Variants in RNF144A observed in about 807,000 individuals in gnomAD.
RNF144A encodes the protein ring finger protein 144A, also known as E3 ubiquitin-protein ligase RNF144A.
Under a neutral mutation model 38.7 loss-of-function variants are expected in RNF144A, and 11 were observed. The observed-to-expected ratio is 0.28, with a 90% CI of 0.18 to 0.47. RNF144A has a LOEUF of 0.47. Ranked by LOEUF, RNF144A falls within the 20% of genes least tolerant of loss-of-function variation. The pLI, the probability that RNF144A is intolerant of heterozygous loss-of-function variation, is 0.99. For missense variants in RNF144A, 316 were observed against 377.2 expected, an observed-to-expected ratio of 0.84 and a Z score of 1.34; for synonymous variants, 149 against 143.9, an observed-to-expected ratio of 1.04 and a Z score of -0.25.
chr2:7,029,086 C>T (rs749786142), intron 7 of RNF144A, among the ~76,000 whole-genome samples: 1 of 152,250 alleles, frequency 6.6e-6, no homozygotes, highest in Non-Finnish European at 1.5e-5. Context: ...TGACCCCTGA[C>T]CTGCTCCTCC....
chr2:7,018,467 T>C (rs2103425735), intron 5 of RNF144A, among the ~76,000 whole-genome samples: 1 of 152,256 alleles, frequency 6.6e-6, no homozygotes, highest in African/African-American at 2.4e-5. Flanking sequence ...GCCAGCTGCC[T>C]TTAGCCTTTG....
chr2:6,966,253 G>T (rs1033940307), intron 2 of RNF144A, among the ~76,000 whole-genome samples: 5 of 152,180 alleles, frequency 3.3e-5, no homozygotes, highest in African/African-American at 1.2e-4. Context: ...AGAAACACTG[G>T]AATATTTTAA....
At chr2:7,037,996 G>A (rs1672794073) in intron 8 of RNF144A, among the ~76,000 whole-genome samples, 1 of 152,220 alleles carries the variant, frequency 6.6e-6, no homozygotes, top group Non-Finnish European at 1.5e-5. Context: ...TGGCGAGGCC[G>A]GCTGGAAAGC....
chr2:7,012,793 G>A (rs552351256), intron 3 of RNF144A, among the ~76,000 whole-genome samples: 3 of 152,270 alleles, frequency 2.0e-5, no homozygotes, highest in Non-Finnish European at 2.9e-5. Context: ...GGAGTCTCAC[G>A]TAGAACTCCA....
At chr2:7,020,886 T>C in intron 6 of RNF144A, 2 of 582,196 alleles carry the variant, frequency 3.4e-6, no homozygotes, top group South Asian at 2.1e-5. Flanking sequence ...CCAGGCACTG[T>C]GTGAGGCCCT....
intron 2 of RNF144A, 134 bp from the exon 3 acceptor site, chr2:6,996,782 C>T: frequency 1.2e-6 from 1 of 848,614 alleles, no homozygotes; most frequent in South Asian, 1.8e-5. Flanking sequence ...TCAGAACATC[C>T]AGATGCTCTA....
At chr2:6,973,989 T>C (rs1272359947) in intron 2 of RNF144A, among the ~76,000 whole-genome samples, 2 of 152,208 alleles carry the variant, frequency 1.3e-5, no homozygotes, top group African/African-American at 2.4e-5. Context: ...GATAGCACAT[T>C]GTTCACCACA....
At chr2:7,069,548 T>A (rs546963137), downstream of RNF144A, among the ~76,000 whole-genome samples, 21 of 152,364 alleles carry the variant, frequency 1.4e-4, no homozygotes, top group South Asian at 4.4e-3. Context: ...CTCATTCATA[T>A]TCCCATCTTT....
intron 2 of RNF144A, among the ~76,000 whole-genome samples, chr2:6,967,299 A>G (rs1200901043): frequency 1.3e-5 from 2 of 152,268 alleles, no homozygotes; most frequent in Admixed American, 1.3e-4. Context: ...TATGTGAAAC[A>G]TGTAATTCTT....
chr2:7,029,645 A>G (rs1408302588), intron 7 of RNF144A, among the ~76,000 whole-genome samples: 1 of 152,208 alleles, frequency 6.6e-6, no homozygotes, highest in Non-Finnish European at 1.5e-5. Context: ...CAACAAAGAA[A>G]ATCATCCAAT....
chr2:7,068,261 G>C, exon 7 of RNF144A: 1 of 1,302,314 alleles, frequency 7.7e-7, no homozygotes, highest in Non-Finnish European at 1.0e-6. Context: ...TACTGAATCT[G>C]AGTGTCATCT....
At chr2:7,027,956 C>T (rs1672024033) in intron 7 of RNF144A, among the ~76,000 whole-genome samples, 1 of 135,920 alleles carries the variant, frequency 7.4e-6, no homozygotes, top group Admixed American at 8.6e-5. Context: ...CGTTGGACCC[C>T]ATGCGGGTCT....
chr2:6,963,157 T>C (rs745395389), intron 2 of RNF144A, among the ~76,000 whole-genome samples: 5 of 152,126 alleles, frequency 3.3e-5, no homozygotes, highest in African/African-American at 4.8e-5. Context: ...GACAGGAACA[T>C]AGGTAACATC....
intron 5 of RNF144A, among the ~76,000 whole-genome samples, chr2:7,017,386 A>G (rs948824961): frequency 2.6e-5 from 4 of 150,998 alleles, no homozygotes; most frequent in African/African-American, 9.8e-5. Context: ...ACCTGTAATC[A>G]GGCCTGACTA....
intron 5 of RNF144A, among the ~76,000 whole-genome samples, chr2:7,014,986 A>G (rs1252827389): frequency 2.0e-5 from 3 of 152,228 alleles, no homozygotes. Context: ...TGGTAGCAGG[A>G]AGAATTTATG....
chr2:6,933,699 A>G (rs1046221524), intron 1 of RNF144A, among the ~76,000 whole-genome samples: 2 of 132,642 alleles, frequency 1.5e-5, no homozygotes, highest in Non-Finnish European at 3.4e-5. Context: ...TAATTCTTCT[A>G]GAAAAATTGT....
intron 2 of RNF144A, chr2:6,996,614 C>A (rs1669758187): frequency 4.0e-6 from 1 of 251,458 alleles, no homozygotes. Context: ...ATTAGCCTGG[C>A]ATGGTGGCAC....
At chr2:7,051,863 G>A (rs968691200) in intron 6 of RNF144A, among the ~76,000 whole-genome samples, 8 of 152,202 alleles carry the variant, frequency 5.3e-5, no homozygotes, top group Non-Finnish European at 1.0e-4. Context: ...GCTCCACTCC[G>A]GTCTGGTCTG....
intron 2 of RNF144A, among the ~76,000 whole-genome samples, chr2:6,963,660 CT>C (rs1667479822): frequency 6.6e-6 from 1 of 152,184 alleles, no homozygotes; most frequent in Non-Finnish European, 1.5e-5. Context: ...CCCTTCTTAT[CT>C]CTCTCACTCT....
Sources: allele counts gnomAD v4.1 joint callset (sites outside exome capture counted in the v4.1 genomes callset), GRCh38; gene constraint gnomAD v4.1.1; transcripts MANE v1.5; gene names NCBI Gene and HGNC (gene_info 2026-07-23, HGNC 2026-07-21).